Variants in IPP observed in about 807,000 individuals in gnomAD.
IPP encodes the protein actin-binding protein IPP.
Under a neutral mutation model 64.1 loss-of-function variants are expected in IPP, and 41 were observed. The ratio of observed to expected loss-of-function variants is 0.64; its 90% CI spans 0.50 to 0.83. The LOEUF is 0.83. IPP is among the 40% of genes least tolerant of loss of function. The pLI, the probability that IPP is intolerant of heterozygous loss-of-function variation, is 0.00. For missense variants in IPP, 649 were observed against 703.0 expected (o/e 0.92, Z 0.87); for synonymous variants, 214 against 235.2 (o/e 0.91, Z 0.83).
intron 6 of IPP, among the ~76,000 whole-genome samples, chr1:45,718,127 G>A (rs1645685570): frequency 6.6e-6 from 1 of 152,032 alleles, no homozygotes; most frequent in Admixed American, 6.6e-5. Flanking sequence ...ACATATACAA[G>A]AATAAAAATA....
At position 45,714,450 on chromosome 1, in the gene IPP, A is replaced by C; in HGVS notation, c.1326T>G (p.Ile442Met). ...CCEMQGLIYV[I>M]GGISNEGIEL... ...CTATTCCTTCATTGCTGATGCCCCC[A>C]ATTACATAAATTAAACCTGGAAGTG... The change falls in exon 8 of 9, where the codon ATT (isoleucine) becomes ATG (methionine). Residue 442 changes from isoleucine to methionine, a missense_variant. Physicochemically the swap from Ile to Met is conservative, Grantham distance 10. Coordinates refer to ENST00000396478, the MANE Select transcript of IPP (RefSeq NM_005897.3). 1.2e-6 allele frequency: 2 copies of C among 1,608,952 alleles called. No individual in the cohort carries two copies. Among genetic ancestry groups the C allele is most frequent in the Non-Finnish European group, 8.5e-7 (1 of 1,175,278 alleles).
chr1:45,740,540 G>A (rs1041640952), intron 3 of IPP, among the ~76,000 whole-genome samples: 9 of 151,812 alleles, frequency 5.9e-5, no homozygotes, highest in South Asian at 2.1e-4. Context: ...GCGGCTGGCC[G>A]GGCGGGGGGC....
chr1:45,741,336 G>T lies in IPP; in HGVS notation c.293-4C>A. On this transcript the variant is annotated splice_region_variant and splice_polypyrimidine_tract_variant and intron_variant, in intron 2 of 8. Transcript: ENST00000396478. ...TTCACACCTATGTTCACTATACCTAGAGAAGTAGGAAGACAAAATGGCCAA... is the reference window on the plus strand; with the variant it reads ...TTCACACCTATGTTCACTATACCTATAGAAGTAGGAAGACAAAATGGCCAA... The T allele has an allele frequency of 6.4e-7, 1 of 1,567,354 alleles. No individual in the cohort carries two copies. The highest frequency in any genetic ancestry group is 1.2e-5 in the South Asian group (1 of 85,482).
chr1:45,720,610 A>G (rs1330215784), intron 5 of IPP, among the ~76,000 whole-genome samples: 1 of 152,202 alleles, frequency 6.6e-6, no homozygotes, highest in Non-Finnish European at 1.5e-5. Flanking sequence ...GTCTCATCAT[A>G]TATCAAGACA....
intron 8 of IPP, among the ~76,000 whole-genome samples, chr1:45,704,988 T>C (rs1469826756): frequency 6.6e-6 from 1 of 152,226 alleles, no homozygotes; most frequent in Non-Finnish European, 1.5e-5. Flanking sequence ...AAAGTAGGTA[T>C]AAATGACTGC....
chr1:45,738,990 C>T (rs985212781), intron 3 of IPP, among the ~76,000 whole-genome samples: 1 of 152,018 alleles, frequency 6.6e-6, no homozygotes, highest in African/African-American at 2.4e-5. Flanking sequence ...TTGCTAATTC[C>T]GTGTTTGCAG....
intron 1 of IPP, among the ~76,000 whole-genome samples, chr1:45,747,863 A>AAC (rs1646161177): frequency 6.8e-6 from 1 of 146,376 alleles, no homozygotes; most frequent in Non-Finnish European, 1.5e-5. Context: ...AAAAAAAAAA[A>AAC]AAAACCATGA....
At chr1:45,735,487 T>TTTTTTTG (rs1645966305) in intron 3 of IPP, among the ~76,000 whole-genome samples, 1 of 143,792 alleles carries the variant, frequency 7.0e-6, no homozygotes, top group African/African-American at 2.6e-5. Context: ...TTTTTTTTTT[T>TTTTTTTG]TTTGAGACAG....
intron 3 of IPP, among the ~76,000 whole-genome samples, chr1:45,732,536 A>C (rs78962892): frequency 0.031 from 4,783 of 152,204 alleles, 248 homozygotes; most frequent in African/African-American, 0.11. Context: ...ATGTGGAGGA[A>C]AAGCTTGAGA....
At chr1:45,704,156 G>A (rs973235549) in intron 8 of IPP, among the ~76,000 whole-genome samples, 1 of 152,136 alleles carries the variant, frequency 6.6e-6, no homozygotes, top group African/African-American at 2.4e-5. Context: ...GTTAGATGGA[G>A]AAGACAGCTG....
rs911782966 is a variant in IPP, at chr1:45,699,830, C to T, written c.*136G>A. On this transcript the variant is annotated 3_prime_UTR_variant, in exon 9 of 9. Transcript: ENST00000396478. ...GGCATGAGGCCACTGCGCCCAGCCTCGTTAGTCATTTATCTACCAAATACA... is the reference window on the plus strand; with the variant it reads ...GGCATGAGGCCACTGCGCCCAGCCTTGTTAGTCATTTATCTACCAAATACA... The T allele has an allele frequency of 4.9e-5, 72 of 1,461,980 alleles. No homozygotes were observed. Among genetic ancestry groups the T allele is most frequent in the Non-Finnish European group, 4.7e-5 (52 of 1,111,432 alleles). 90.6% of individuals were successfully genotyped at this position (1,461,980 alleles called of 1,614,324 possible).
intron 2 of IPP, among the ~76,000 whole-genome samples, chr1:45,741,680 T>C (rs1423733603): frequency 5.3e-5 from 4 of 75,170 alleles, no homozygotes; most frequent in African/African-American, 1.7e-4. Flanking sequence ...CCAGGCCGGA[T>C]TGCAGTGGCA....
At chr1:45,743,218 G>A (rs575398085) in intron 2 of IPP, among the ~76,000 whole-genome samples, 1 of 151,128 alleles carries the variant, frequency 6.6e-6, no homozygotes, top group Non-Finnish European at 1.5e-5. Context: ...GATTACAGGC[G>A]TGAGCCACCA....
chr1:45,696,739 T>A (rs1354969358), downstream of IPP: 1 of 152,358 alleles, frequency 6.6e-6, no homozygotes, highest in Non-Finnish European at 1.5e-5. Flanking sequence ...AAGATCATGC[T>A]ATTGCACTCC....
At chr1:45,709,325 C>T (rs574027519) in intron 8 of IPP, among the ~76,000 whole-genome samples, 3 of 146,074 alleles carry the variant, frequency 2.1e-5, no homozygotes, top group South Asian at 4.4e-4. Flanking sequence ...CCCAGCTACT[C>T]GGGAGGCTGA....
At chr1:45,715,376 T>C (rs371519008) in intron 7 of IPP, among the ~76,000 whole-genome samples, 3 of 152,048 alleles carry the variant, frequency 2.0e-5, no homozygotes, top group African/African-American at 4.8e-5. Flanking sequence ...GCGCGGTGGC[T>C]CACGCCTGTA....
chr1:45,723,290 C>T (rs904764478), intron 5 of IPP, among the ~76,000 whole-genome samples: 2 of 151,914 alleles, frequency 1.3e-5, no homozygotes, highest in Non-Finnish European at 2.9e-5. Flanking sequence ...AAATTTTGTA[C>T]AACAAACCTC....
At chr1:45,722,305 C>T (rs947462396) in intron 5 of IPP, among the ~76,000 whole-genome samples, 1 of 151,762 alleles carries the variant, frequency 6.6e-6, no homozygotes, top group Non-Finnish European at 1.5e-5. Flanking sequence ...AATCCCAGCA[C>T]TTTGGGAGGC....
rs139923292 is a variant in IPP at position 45,740,970 on chromosome 1, C to T, written c.655G>A (p.Val219Met). 2 of 1,613,714 alleles carry T rather than the reference C, an allele frequency of 1.2e-6. No individual in the cohort carries two copies. The highest frequency in any genetic ancestry group is 1.3e-5 in the African/African-American group (1 of 74,902). ...LKDLGKRRKH[V>M]VEVLDPIRFP... ...CGAATTGGGTCTAGCACTTCCACCA[C>T]ATGTTTTCTTCTTTTTCCCAAATCT... is the stretch of plus-strand genomic sequence containing the variant. The change falls in exon 3 of 9, where the codon GTG (valine) becomes ATG (methionine). Residue 219 changes from valine (V) to methionine (M), a missense_variant. By Grantham distance (21) the Val-to-Met change is conservative. Coordinates refer to ENST00000396478, the MANE Select transcript of IPP (RefSeq NM_005897.3).
Sources: allele counts gnomAD v4.1 joint callset (sites outside exome capture counted in the v4.1 genomes callset), GRCh38; gene constraint gnomAD v4.1.1; transcripts MANE v1.5; gene names NCBI Gene and HGNC (gene_info 2026-07-23, HGNC 2026-07-21).